Variants in HP1BP3 observed in about 807,000 individuals in gnomAD.
HP1BP3 encodes the protein heterochromatin protein 1-binding protein 3.
HP1BP3 carries 12 observed loss-of-function variants against 62.5 expected under a neutral mutation model. The ratio of observed to expected loss-of-function variants is 0.19; its 90% confidence interval spans 0.12 to 0.31. The LOEUF (loss-of-function observed/expected upper bound fraction) is 0.31, where lower values mean the gene tolerates loss of function less well. Ranked by LOEUF, HP1BP3 falls within the 10% of genes least tolerant of loss-of-function variation. HP1BP3 has a pLI of 1.00. For synonymous variants in HP1BP3, 260 were observed against 237.8 expected (o/e 1.09, Z -0.86); for missense variants, 502 against 651.8 (o/e 0.77, Z 2.50).
chr1:20,752,280 G>A (rs1447712447), intron 9 of HP1BP3, among the ~76,000 whole-genome samples: 1 of 151,830 alleles, frequency 6.6e-6, no homozygotes, highest in Non-Finnish European at 1.5e-5. Context: ...AACCTAAGAT[G>A]CGATTTGCTT....
At chr1:20,773,338 C>A (rs1018579028) in intron 5 of HP1BP3, 113 bp downstream of exon 5, 3 of 795,516 alleles carry the variant, frequency 3.8e-6, no homozygotes, top group Admixed American at 3.6e-5. Context: ...CTTTAAAACT[C>A]CTTTAGGAAG....
Position 20,776,670 on chromosome 1 carries a change from C to T in HP1BP3, c.277G>A (p.Ala93Thr). 6.2e-7 allele frequency: 1 copy of T among 1,613,962 alleles called. No homozygotes were observed. ...NETPPATSSE[A>T]EQPKGEPENE... ...TCAGGTTCCCCCTTTGGCTGCTCTG[C>T]CTCACTCGAAGTAGCAGGTGGAGTT... Residue 93 changes from alanine (A) to threonine (T), a missense_variant, in exon 4 of 13, where the codon GCA becomes ACA. Coordinates refer to ENST00000438032, the MANE Select transcript of HP1BP3 (RefSeq NM_001372052.1).
At chr1:20,747,797 G>A in intron 10 of HP1BP3, 142 bp from the exon 11 acceptor site, 1 of 598,854 alleles carries the variant, frequency 1.7e-6, no homozygotes, top group Non-Finnish European at 3.0e-6. Flanking sequence ...TGTGTTCAAA[G>A]GTATTTAATT....
At chr1:20,764,928 G>A (rs952921639) in intron 8 of HP1BP3, among the ~76,000 whole-genome samples, 2 of 150,910 alleles carry the variant, frequency 1.3e-5, no homozygotes, top group African/African-American at 4.9e-5. Flanking sequence ...TAGCACTTTG[G>A]GAGGCCGAGG....
chr1:20,759,474 T>C (rs1178717809), intron 8 of HP1BP3, among the ~76,000 whole-genome samples: 1 of 152,168 alleles, frequency 6.6e-6, no homozygotes, highest in Non-Finnish European at 1.5e-5. Context: ...TGTTTGAAAA[T>C]TTCCAAAATA....
Position 20,740,287 on chromosome 1 carries a change from T to C in HP1BP3, c.*4510A>G, listed in dbSNP as rs879916334. Among the ~76,000 whole-genome samples the C allele has an allele frequency of 6.6e-6, 1 of 152,218 alleles. No homozygotes were observed. The highest frequency in any genetic ancestry group is 1.5e-5 in the Non-Finnish European group (1 of 68,050). ...AGAGTTCTCTTTTGCTAAGCAAAGA[T>C]TTAATAGTGAACAGTGTTAATTATA... On this transcript the variant is annotated 3_prime_UTR_variant, in exon 13 of 13. Transcript: ENST00000438032.
chr1:20,747,718 CACAA>C (rs2055429481), intron 10 of HP1BP3, 63 bp from the exon 11 acceptor site: 1 of 952,982 alleles, frequency 1.0e-6, no homozygotes. Flanking sequence ...TTCCCTCAAC[CACAA>C]ACAGATGCCC....
At chr1:20,749,687 C>T in intron 10 of HP1BP3, 36 bp downstream of exon 10, 1 of 1,578,600 alleles carries the variant, frequency 6.3e-7, no homozygotes, top group South Asian at 1.2e-5. Flanking sequence ...AGAAAATTCT[C>T]CTAATCCCAG....
At chr1:20,783,898 CTATT>C in intron 1 of HP1BP3, among the ~76,000 whole-genome samples, 1 of 151,710 alleles carries the variant, frequency 6.6e-6, no homozygotes, top group Admixed American at 6.6e-5. Flanking sequence ...GGTTAATTGG[CTATT>C]TAATAAACTC....
chr1:20,748,560 T>G (rs1278488946), intron 10 of HP1BP3, among the ~76,000 whole-genome samples: 1 of 152,092 alleles, frequency 6.6e-6, no homozygotes, highest in Non-Finnish European at 1.5e-5. Context: ...TCTTGGCTAA[T>G]ACGGTGAAAC....
intron 1 of HP1BP3, among the ~76,000 whole-genome samples, chr1:20,781,995 A>G (rs1019028610): frequency 5.3e-5 from 8 of 152,260 alleles, no homozygotes; most frequent in Admixed American, 3.9e-4. Context: ...TGATATGGAA[A>G]TAAAACAATA....
intron 8 of HP1BP3, among the ~76,000 whole-genome samples, chr1:20,758,547 T>C (rs975098749): frequency 2.0e-5 from 3 of 152,092 alleles, no homozygotes; most frequent in Admixed American, 2.0e-4. Context: ...GGGGTTTCAC[T>C]GTGTTAGCAA....
At chr1:20,747,703 G>C in intron 10 of HP1BP3, 48 bp from the exon 11 acceptor site, 1 of 1,174,792 alleles carries the variant, frequency 8.5e-7, no homozygotes, top group African/African-American at 1.5e-5. Context: ...ATTCAGATTA[G>C]ATAATTCCCT....
chr1:20,773,600 G>T lies in HP1BP3; in HGVS notation c.361C>A (p.Gln121Lys), dbSNP rs1473535478. Residue 121 changes from glutamine (Q) to lysine (K), a missense_variant, in exon 5 of 13, where the codon CAG becomes AAG. Coordinates refer to ENST00000438032, the MANE Select transcript of HP1BP3 (RefSeq NM_001372052.1). The part of the protein sequence containing the change: ...SEETKKDEKD[Q>K]SKEKEKKVKK... ...ACTTTCTTCTCCTTTTCTTTAGACT[G>T]ATCTTTCTCACTTTAAAACAAAGAA... is the stretch of plus-strand genomic sequence containing the variant. The T allele has an allele frequency of 6.3e-7, 1 of 1,596,142 alleles. No individual in the cohort carries two copies. The highest frequency in any genetic ancestry group is 2.3e-5 in the East Asian group (1 of 44,386).
At chr1:20,771,152 G>C (rs1004683296) in intron 5 of HP1BP3, 79 bp from the exon 6 acceptor site, 1 of 1,251,866 alleles carries the variant, frequency 8.0e-7, no homozygotes, top group Non-Finnish European at 1.1e-6. Context: ...AATTATTTTG[G>C]AAGTGAATTT....
intron 4 of HP1BP3, chr1:20,774,821 T>G (rs1024098538): frequency 6.6e-6 from 1 of 152,092 alleles, no homozygotes; most frequent in Non-Finnish European, 1.5e-5. Context: ...CCGTCTCTCC[T>G]GAAAATACAA....
At chr1:20,783,567 G>A (rs1031879778) in intron 1 of HP1BP3, among the ~76,000 whole-genome samples, 1 of 151,292 alleles carries the variant, frequency 6.6e-6, no homozygotes, top group Non-Finnish European at 1.5e-5. Context: ...AAATAGAGAT[G>A]TTAGAGCTCT....
chr1:20,770,348 G>A (rs1333504265), intron 6 of HP1BP3, among the ~76,000 whole-genome samples: 3 of 152,118 alleles, frequency 2.0e-5, no homozygotes, highest in African/African-American at 7.2e-5. Flanking sequence ...TTTCAGACAG[G>A]GTCTCACTCT....
chr1:20,753,476 T>C (rs1255008242), intron 9 of HP1BP3, among the ~76,000 whole-genome samples: 1 of 152,242 alleles, frequency 6.6e-6, no homozygotes, highest in African/African-American at 2.4e-5. Context: ...ACTGTTCTTA[T>C]AAGATCAGTG....
Sources: gnomAD v4.1 joint callset for allele counts (sites outside exome capture counted in the v4.1 genomes callset) on GRCh38, gnomAD v4.1.1 for gene constraint, MANE v1.5 for transcripts, NCBI Gene and HGNC (gene_info 2026-07-23, HGNC 2026-07-21) for gene names.